XKR9: variants seen among roughly 807,000 people sequenced by gnomAD.
XKR9 encodes XK-related protein 9.
XKR9 carries 32 observed loss-of-function variants against 32.0 expected under a neutral mutation model. The observed-to-expected ratio is 1.00, with a 90% confidence interval of 0.76 to 1.34. XKR9 has a LOEUF of 1.34. Among genes scored for constraint, XKR9 ranks in the 40% most tolerant of loss-of-function variants. XKR9 has a pLI of 0.00. For synonymous variants in XKR9, 168 were observed against 143.4 expected, an observed-to-expected ratio of 1.17 and a Z score of -1.22; for missense variants, 546 against 429.7, an observed-to-expected ratio of 1.27 and a Z score of -2.39.
chr8:70,707,480 A>T (rs578028656), intron 4 of XKR9, among the ~76,000 whole-genome samples: 1 of 151,952 alleles, frequency 6.6e-6, no homozygotes, highest in African/African-American at 2.4e-5. Flanking sequence ...GCCTCATAGT[A>T]TATCTTGGAG....
At chr8:70,778,521 C>G (rs992330206) in intron 2 of XKR9, among the ~76,000 whole-genome samples, 2 of 152,178 alleles carry the variant, frequency 1.3e-5, no homozygotes, top group East Asian at 1.9e-4. Context: ...AGCATTGAAT[C>G]TATAAATTAC....
chr8:70,899,475 G>A, the XKR9 span, among the ~76,000 whole-genome samples: 7 of 148,736 alleles, frequency 4.7e-5, no homozygotes. Flanking sequence ...TGTATCCACT[G>A]CTCAATTTTG....
the XKR9 span, among the ~76,000 whole-genome samples, chr8:70,913,719 C>T: frequency 6.6e-6 from 1 of 152,084 alleles, no homozygotes; most frequent in African/African-American, 2.4e-5. Flanking sequence ...TATTATTCAC[C>T]CTCCAGAAGT....
At chr8:70,741,066 C>T (rs903127306) in intron 2 of XKR9, among the ~76,000 whole-genome samples, 1 of 152,228 alleles carries the variant, frequency 6.6e-6, no homozygotes, top group Non-Finnish European at 1.5e-5. Flanking sequence ...TGCCCTGCCC[C>T]CAGAGGTGGA....
the XKR9 span, among the ~76,000 whole-genome samples, chr8:70,879,491 A>T: frequency 1.3e-5 from 2 of 152,230 alleles, no homozygotes; most frequent in African/African-American, 4.8e-5. Context: ...CACTGATCCC[A>T]CAGAAATACA....
At chr8:70,807,238 C>G in the XKR9 span, among the ~76,000 whole-genome samples, 1 of 152,116 alleles carries the variant, frequency 6.6e-6, no homozygotes, top group Non-Finnish European at 1.5e-5. Context: ...ACTACCAGGC[C>G]TGCCTTGCAA....
intron 2 of XKR9, among the ~76,000 whole-genome samples, chr8:70,756,238 T>G (rs1807224511): frequency 6.6e-6 from 1 of 152,222 alleles, no homozygotes; most frequent in Non-Finnish European, 1.5e-5. Context: ...TATCTGTTCT[T>G]TTGTCAGTAC....
intron 2 of XKR9, among the ~76,000 whole-genome samples, chr8:70,679,159 A>G (rs1487412948): frequency 6.6e-6 from 1 of 152,014 alleles, no homozygotes; most frequent in Non-Finnish European, 1.5e-5. Flanking sequence ...GTCCTATTGC[A>G]TCAGGGCTCC....
chr8:70,776,333 C>A (rs1807519853), intron 2 of XKR9, among the ~76,000 whole-genome samples: 2 of 152,054 alleles, frequency 1.3e-5, no homozygotes, highest in South Asian at 4.2e-4. Context: ...ACTAAGCAAT[C>A]AACATTTTTT....
the XKR9 span, among the ~76,000 whole-genome samples, chr8:70,798,031 T>C: frequency 6.6e-6 from 1 of 152,214 alleles, no homozygotes; most frequent in African/African-American, 2.4e-5. Flanking sequence ...CATGTGTCTT[T>C]ATGGTAGAAT....
the XKR9 span, among the ~76,000 whole-genome samples, chr8:71,046,967 AG>A: frequency 6.6e-6 from 1 of 152,214 alleles, no homozygotes; most frequent in South Asian, 2.1e-4. Flanking sequence ...CTCTAACATG[AG>A]GTCTGTTTTG....
chr8:70,717,288 G>A (rs556855992), intron 4 of XKR9, among the ~76,000 whole-genome samples: 5 of 152,316 alleles, frequency 3.3e-5, no homozygotes, highest in African/African-American at 1.2e-4. Context: ...GGGACTCTGT[G>A]TGTGAGCTCC....
intron 2 of XKR9, among the ~76,000 whole-genome samples, chr8:70,770,710 C>A (rs1009576157): frequency 1.3e-5 from 2 of 152,186 alleles, no homozygotes; most frequent in African/African-American, 4.8e-5. Context: ...TTTGTTTACA[C>A]TGTGAGGGGA....
chr8:70,734,313 T>C lies in XKR9; in HGVS notation c.1011T>C (p.Ile337=), dbSNP rs116289101. 3.7e-3 allele frequency: 5,942 copies of C among 1,612,582 alleles called. 29 individuals are homozygous for C. Among genetic ancestry groups the C allele is most frequent in the Non-Finnish European group, 3.7e-3 (4,366 of 1,179,454 alleles). The part of the protein sequence containing the change: ...LTLLLGILFL[I]VYYGSFHPNR... ...TTCTTCTTGGAATTCTTTTTCTTAT[T>C]GTTTATTATGGGAGTTTTCACCCAA... is the stretch of plus-strand genomic sequence containing the variant. The change falls in exon 5 of 5, where the codon ATT becomes ATC. Residue 337 remains isoleucine, a synonymous_variant. Transcript: ENST00000408926.
the XKR9 span, among the ~76,000 whole-genome samples, chr8:70,880,886 G>T: frequency 1.2e-4 from 19 of 152,182 alleles, no homozygotes; most frequent in Admixed American, 1.2e-3. Context: ...CAAGGCTACA[G>T]TAACCAAAAC....
At chr8:70,882,314 A>G in the XKR9 span, among the ~76,000 whole-genome samples, 2 of 151,922 alleles carry the variant, frequency 1.3e-5, no homozygotes, top group African/African-American at 4.8e-5. Context: ...GTATTATAAA[A>G]AAATTAAGGC....
At chr8:70,963,858 C>A in the XKR9 span, among the ~76,000 whole-genome samples, 2 of 152,112 alleles carry the variant, frequency 1.3e-5, no homozygotes, top group East Asian at 3.8e-4. Context: ...CTTGTAGATA[C>A]TGGATATTAG....
chr8:70,882,221 T>C, the XKR9 span, among the ~76,000 whole-genome samples: 1 of 152,100 alleles, frequency 6.6e-6, no homozygotes, highest in East Asian at 1.9e-4. Flanking sequence ...GTATCAAACT[T>C]GCACATTGTG....
chr8:70,721,511 T>TGAGA (rs1237695172), intron 4 of XKR9, among the ~76,000 whole-genome samples: 7 of 152,214 alleles, frequency 4.6e-5, no homozygotes, highest in African/African-American at 1.7e-4. Flanking sequence ...GTCTTTGCTC[T>TGAGA]CATTGGTTTC....
Sources: allele counts gnomAD v4.1 joint callset (sites outside exome capture counted in the v4.1 genomes callset), GRCh38; gene constraint gnomAD v4.1.1; transcripts MANE v1.5; gene names NCBI Gene and HGNC (gene_info 2026-07-23, HGNC 2026-07-21).